FRMPD4: variants seen among roughly 807,000 people sequenced by gnomAD.
The protein encoded by FRMPD4 is FERM and PDZ domain-containing protein 4.
In FRMPD4, 22 loss-of-function variants were observed where a neutral mutation model predicts 94.1. The ratio of observed to expected loss-of-function variants is 0.23; its 90% CI spans 0.17 to 0.33. The LOEUF is 0.33. FRMPD4 is among the 10% of genes least tolerant of loss of function. FRMPD4 has a pLI of 1.00. For synonymous variants in FRMPD4, 631 were observed against 548.6 expected (o/e 1.15, Z -2.10); for missense variants, 1,111 against 1,339.9 (o/e 0.83, Z 2.67).
chrX:12,559,669 A>C (rs370358254), intron 2 of FRMPD4, among the ~76,000 whole-genome samples: 1 of 110,125 alleles, frequency 9.1e-6, no homozygotes, highest in African/African-American at 3.3e-5. Context: ...AAAAAACAAA[A>C]AAAACTCTTA....
At chrX:12,142,313 G>A (rs1461311620) in intron 1 of FRMPD4, among the ~76,000 whole-genome samples, 2 of 111,748 alleles carry the variant, frequency 1.8e-5, no homozygotes, top group African/African-American at 3.3e-5. Context: ...AAATACATAT[G>A]TATAGTTTCC....
chrX:11,958,765 G>T (rs1291311225), intron 3 of FRMPD4, among the ~76,000 whole-genome samples: 1 of 111,813 alleles, frequency 8.9e-6, no homozygotes, highest in African/African-American at 3.3e-5. Flanking sequence ...ATAATATTTA[G>T]ATCCCTAAGA....
chrX:12,438,786 G>T (rs1003843247), intron 1 of FRMPD4, among the ~76,000 whole-genome samples: 12 of 111,735 alleles, frequency 1.1e-4, no homozygotes, highest in Admixed American at 1.9e-4. Flanking sequence ...CACAACTGCT[G>T]TGGAGGTGGC....
chrX:12,299,994 A>C (rs2054835118), intron 1 of FRMPD4, among the ~76,000 whole-genome samples: 1 of 112,285 alleles, frequency 8.9e-6, no homozygotes, highest in Non-Finnish European at 1.9e-5. Flanking sequence ...TACAAAATTC[A>C]AGTTAAGGAA....
chrX:12,530,658 A>T (rs1035029063), intron 2 of FRMPD4, among the ~76,000 whole-genome samples: 2 of 111,731 alleles, frequency 1.8e-5, no homozygotes, highest in African/African-American at 6.5e-5. Context: ...AGATCCAGGG[A>T]AGAGTTGTGA....
intron 1 of FRMPD4, among the ~76,000 whole-genome samples, chrX:12,247,437 A>T (rs1487037266): frequency 8.9e-6 from 1 of 111,739 alleles, no homozygotes; most frequent in Non-Finnish European, 1.9e-5. Flanking sequence ...TGCTCTCTCC[A>T]CTAAGGCATG....
intron 1 of FRMPD4, among the ~76,000 whole-genome samples, chrX:12,223,936 G>A (rs756622329): frequency 7.2e-5 from 8 of 111,127 alleles, no homozygotes; most frequent in South Asian, 3.8e-4. Context: ...TAATTGTATC[G>A]TTTAGCGTCG....
chrX:11,874,442 G>A (rs1188820775), intron 2 of FRMPD4, among the ~76,000 whole-genome samples: 1 of 112,611 alleles, frequency 8.9e-6, no homozygotes, highest in Non-Finnish European at 1.9e-5. Flanking sequence ...AAGCCACCAT[G>A]CCTGGCTATA....
chrX:12,120,194 G>A (rs1311647963), intron 3 of FRMPD4, among the ~76,000 whole-genome samples: 1 of 112,032 alleles, frequency 8.9e-6, no homozygotes, highest in Non-Finnish European at 1.9e-5. Flanking sequence ...AGAGAAGAGA[G>A]GAAGAAGAGA....
chrX:12,676,829 C>T (rs184725839), intron 5 of FRMPD4, among the ~76,000 whole-genome samples: 77 of 111,890 alleles, frequency 6.9e-4, no homozygotes, highest in Non-Finnish European at 1.1e-3. Flanking sequence ...CAACACTTAG[C>T]CACAATATTC....
chrX:12,081,173 A>C (rs2055058821), intron 3 of FRMPD4, among the ~76,000 whole-genome samples: 5 of 112,029 alleles, frequency 4.5e-5, no homozygotes, highest in Admixed American at 2.8e-4. Flanking sequence ...GAGAATGATA[A>C]TAAGCGTTCC....
At chrX:11,969,261 C>G (rs953054325) in intron 3 of FRMPD4, among the ~76,000 whole-genome samples, 1 of 112,388 alleles carries the variant, frequency 8.9e-6, no homozygotes, top group African/African-American at 3.2e-5. Flanking sequence ...TGGCAAAATG[C>G]CTTGAAAATC....
At chrX:12,005,390 C>T (rs1430756025) in intron 3 of FRMPD4, among the ~76,000 whole-genome samples, 1 of 107,999 alleles carries the variant, frequency 9.3e-6, no homozygotes, top group African/African-American at 3.4e-5. Context: ...GTTGGCTTCA[C>T]AGTTTATATC....
At chrX:12,148,619 A>C (rs1453321640) in intron 1 of FRMPD4, among the ~76,000 whole-genome samples, 1 of 112,707 alleles carries the variant, frequency 8.9e-6, no homozygotes, top group Non-Finnish European at 1.9e-5. Flanking sequence ...GACTACACTA[A>C]ACCGCAGATT....
rs143993860 is a variant in FRMPD4, at chrX:12,538,403, G to T, written c.158+39607G>T. 7.0e-4 allele frequency among the ~76,000 whole-genome samples: 78 copies of T among 111,578 alleles called. 2 individuals are homozygous for T. In the East Asian group the frequency reaches 0.022, roughly 31 times the overall value. ...CTGTAGACTCCACCTCTGGGGGCAG[G>T]GCATAGCTGGACAAAAGGCAGCAGA... On this transcript the variant is annotated intron_variant, in intron 2 of 16. Transcript: ENST00000675598.
chrX:12,248,487 A>G (rs2053986656), intron 1 of FRMPD4, among the ~76,000 whole-genome samples: 1 of 112,505 alleles, frequency 8.9e-6, no homozygotes, highest in Non-Finnish European at 1.9e-5. Flanking sequence ...TCTTAGGGAA[A>G]TGTTAAGGGA....
chrX:12,040,588 C>T, intron 3 of FRMPD4, among the ~76,000 whole-genome samples: 1 of 73,521 alleles, frequency 1.4e-5, no homozygotes, highest in African/African-American at 5.7e-5. Context: ...GAGATGGAGT[C>T]TCGCTCTGTC....
intron 3 of FRMPD4, among the ~76,000 whole-genome samples, chrX:11,910,503 T>A (rs2053991048): frequency 9.0e-6 from 1 of 110,760 alleles, no homozygotes; most frequent in Non-Finnish European, 1.9e-5. Context: ...CACTCTAACC[T>A]CCCAGGTTCA....
chrX:12,584,191 C>G (rs1160784637), intron 2 of FRMPD4, among the ~76,000 whole-genome samples: 1 of 112,579 alleles, frequency 8.9e-6, no homozygotes, highest in Non-Finnish European at 1.9e-5. Context: ...CAAAACCGGT[C>G]CAGCCTTCTG....
Sources: allele counts gnomAD v4.1 joint callset (sites outside exome capture counted in the v4.1 genomes callset), GRCh38; gene constraint gnomAD v4.1.1; transcripts MANE v1.5; gene names NCBI Gene and HGNC (gene_info 2026-07-23, HGNC 2026-07-21).